The following RBFOX1 variants were observed in gnomAD, a reference collection of about 807,000 sequenced individuals.
RBFOX1 encodes RNA binding fox-1 homolog 1, also known as RNA binding protein fox-1 homolog 1.
A neutral mutation model predicts 57.7 loss-of-function variants in RBFOX1; 8 were observed. The observed-to-expected ratio is 0.14, with a 90% CI of 0.08 to 0.25. RBFOX1 has a LOEUF of 0.25. Among genes scored for constraint, RBFOX1 ranks in the 10% least tolerant of loss-of-function variants. The pLI is 1.00. For missense variants in RBFOX1, 611 were observed against 548.5 expected (o/e 1.11, Z -1.14); for synonymous variants, 326 against 222.4 (o/e 1.47, Z -4.15).
intron 4 of RBFOX1, among the ~76,000 whole-genome samples, chr16:7,210,466 T>C (rs1160924028): frequency 6.8e-6 from 1 of 147,926 alleles, no homozygotes; most frequent in Non-Finnish European, 1.5e-5. Flanking sequence ...CAATCTACTT[T>C]ACTTAAAGAC....
chr16:6,650,744 G>C (rs1480130635), intron 2 of RBFOX1, among the ~76,000 whole-genome samples: 1 of 152,146 alleles, frequency 6.6e-6, no homozygotes, highest in Non-Finnish European at 1.5e-5. Flanking sequence ...AAGGGACCTA[G>C]AATTTGCTGT....
intron 4 of RBFOX1, among the ~76,000 whole-genome samples, chr16:7,441,881 C>G (rs1336183641): frequency 1.3e-5 from 2 of 152,188 alleles, no homozygotes; most frequent in Non-Finnish European, 2.9e-5. Flanking sequence ...CCGTAGTGCT[C>G]TCCTCCCACC....
chr16:5,281,272 C>A (rs2063265387), intron 1 of RBFOX1, among the ~76,000 whole-genome samples: 1 of 152,008 alleles, frequency 6.6e-6, no homozygotes, highest in African/African-American at 2.4e-5. Flanking sequence ...AAGTTTTATT[C>A]CATTGTGGTC....
intron 1 of RBFOX1, among the ~76,000 whole-genome samples, chr16:6,116,350 T>A (rs1400802527): frequency 1.3e-5 from 2 of 152,134 alleles, no homozygotes; most frequent in African/African-American, 2.4e-5. Context: ...CAAACCACCA[T>A]GGCATGTGTA....
intron 4 of RBFOX1, among the ~76,000 whole-genome samples, chr16:7,474,004 C>G (rs764197644): frequency 6.6e-6 from 1 of 152,058 alleles, no homozygotes; most frequent in African/African-American, 2.4e-5. Context: ...AAAACAGCCC[C>G]CCGGCCGGGC....
At chr16:5,711,389 G>C (rs2051481965) in intron 3 of RBFOX1, among the ~76,000 whole-genome samples, 1 of 152,210 alleles carries the variant, frequency 6.6e-6, no homozygotes, top group African/African-American at 2.4e-5. Context: ...TCTTATTTCA[G>C]AGTTCATGTC....
chr16:5,463,303 A>C (rs992068499), intron 1 of RBFOX1, among the ~76,000 whole-genome samples: 3 of 152,150 alleles, frequency 2.0e-5, no homozygotes, highest in Admixed American at 6.5e-5. Flanking sequence ...GGATTTTTGC[A>C]GGGCAGCTCA....
chr16:6,161,587 C>T (rs1378902602), intron 1 of RBFOX1, among the ~76,000 whole-genome samples: 1 of 152,134 alleles, frequency 6.6e-6, no homozygotes. Context: ...AAAGGAATTG[C>T]ATGGCATCTG....
At chr16:7,080,043 TATATATATATACATA>T (rs1464128009) in intron 4 of RBFOX1, among the ~76,000 whole-genome samples, 3 of 25,970 alleles carry the variant, frequency 1.2e-4, no homozygotes, top group African/African-American at 1.7e-4. Context: ...TATATAGATG[TATATATATATACATA>T]TTATATATAT....
chr16:6,890,826 G>C lies in RBFOX1; in HGVS notation c.-15-161231G>C, dbSNP rs113685373. ...GTGTGAAAAGTAACTGGAACCATTTGTGTAGGTGAAAATAGCACTTAGCAG... is the reference window on the plus strand; with the variant it reads ...GTGTGAAAAGTAACTGGAACCATTTCTGTAGGTGAAAATAGCACTTAGCAG... On this transcript the variant is annotated intron_variant, in intron 3 of 15. Coordinates refer to ENST00000550418, the MANE Select transcript of RBFOX1 (RefSeq NM_018723.4). Among the ~76,000 whole-genome samples, 20 of 152,298 alleles carry C rather than the reference G, an allele frequency of 1.3e-4. No individual in the cohort carries two copies. The South Asian group carries it at 4.2e-3, about 32-fold the overall frequency.
At position 7,504,912 on chromosome 16, in the gene RBFOX1, T is replaced by C. The variant is rs1312801870; in HGVS notation, c.28-13235T>C. Reference sequence around the variant, plus strand: ...ATTAATAACAGGCAATAATACGGCATTTGAAGCAATTTCGCAAACAGACAG... The same window carrying C: ...ATTAATAACAGGCAATAATACGGCACTTGAAGCAATTTCGCAAACAGACAG... On this transcript the variant is annotated intron_variant, in intron 4 of 15. Coordinates refer to ENST00000550418, the MANE Select transcript of RBFOX1 (RefSeq NM_018723.4). 2.0e-5 allele frequency among the ~76,000 whole-genome samples: 3 copies of C among 147,772 alleles called. No individual in the cohort carries two copies. In the East Asian group the frequency reaches 6.1e-4, roughly 30 times the overall value.
intron 2 of RBFOX1, among the ~76,000 whole-genome samples, chr16:6,633,347 G>A (rs1222073640): frequency 1.3e-5 from 2 of 152,156 alleles, no homozygotes; most frequent in East Asian, 1.9e-4. Flanking sequence ...GCACGATCTT[G>A]GCTCACTGCA....
intron 3 of RBFOX1, among the ~76,000 whole-genome samples, chr16:5,777,467 G>A (rs1328245930): frequency 6.6e-6 from 1 of 152,210 alleles, no homozygotes; most frequent in African/African-American, 2.4e-5. Context: ...GTAGGACCGG[G>A]ACATCTTTGA....
chr16:5,255,147 G>A (rs1272099120), intron 1 of RBFOX1, among the ~76,000 whole-genome samples: 1 of 152,138 alleles, frequency 6.6e-6, no homozygotes, highest in African/African-American at 2.4e-5. Flanking sequence ...TGTTCTGAGG[G>A]TGGTGACTAA....
chr16:7,045,750 G>A lies in RBFOX1; in HGVS notation c.-15-6307G>A, dbSNP rs568137993. ...ATTCACTGCCTACCTCTGCCACCCAGGTTCAAGCAGTTCTCTTGCCTCAGC... is the reference window on the plus strand; with the variant it reads ...ATTCACTGCCTACCTCTGCCACCCAAGTTCAAGCAGTTCTCTTGCCTCAGC... On this transcript the variant is annotated intron_variant, in intron 3 of 15. Transcript: ENST00000550418. Among the ~76,000 whole-genome samples the A allele has an allele frequency of 1.4e-4, 21 of 152,172 alleles. No individual in the cohort carries two copies. In the South Asian group the frequency reaches 4.1e-3, roughly 30 times the overall value.
At chr16:5,532,205 A>G (rs2044508888) in intron 2 of RBFOX1, among the ~76,000 whole-genome samples, 2 of 152,218 alleles carry the variant, frequency 1.3e-5, no homozygotes, top group African/African-American at 4.8e-5. Flanking sequence ...TGCACCTTGC[A>G]GGATGTTGAG....
chr16:7,343,511 C>A (rs1008616366), intron 4 of RBFOX1, among the ~76,000 whole-genome samples: 1 of 152,186 alleles, frequency 6.6e-6, no homozygotes, highest in African/African-American at 2.4e-5. Flanking sequence ...GAGCACACAG[C>A]AGCATAAATT....
intron 3 of RBFOX1, among the ~76,000 whole-genome samples, chr16:6,975,997 G>A (rs1024393581): frequency 6.6e-6 from 1 of 152,024 alleles, no homozygotes; most frequent in African/African-American, 2.4e-5. Flanking sequence ...CATGGTGGTG[G>A]GCGCCTGTAA....
At chr16:7,005,579 C>G (rs1331159578) in intron 3 of RBFOX1, among the ~76,000 whole-genome samples, 2 of 152,164 alleles carry the variant, frequency 1.3e-5, no homozygotes, top group Non-Finnish European at 2.9e-5. Context: ...CTGAAAGATC[C>G]TATTAGTGAT....
Sources: allele counts gnomAD v4.1 joint callset (sites outside exome capture counted in the v4.1 genomes callset), GRCh38; gene constraint gnomAD v4.1.1; transcripts MANE v1.5; gene names NCBI Gene and HGNC (gene_info 2026-07-23, HGNC 2026-07-21).